ADAMTSL1: variants seen among roughly 807,000 people sequenced by gnomAD.
ADAMTSL1 encodes the protein ADAMTS-like protein 1.
A neutral mutation model predicts 201.8 loss-of-function variants in ADAMTSL1; 126 were observed. That is an observed-to-expected ratio of 0.62 (90% CI 0.54 to 0.72). The LOEUF (loss-of-function observed/expected upper bound fraction) is 0.72. ADAMTSL1 is among the 30% of genes least tolerant of loss of function. The pLI, the probability that ADAMTSL1 is intolerant of heterozygous loss-of-function variation, is 0.00. For synonymous variants in ADAMTSL1, 1,121 were observed against 903.4 expected (o/e 1.24, Z -4.32); for missense variants, 2,679 against 2,277.8 (o/e 1.18, Z -3.59).
chr9:18,389,488 A>C (rs575238888), intron 2 of ADAMTSL1, among the ~76,000 whole-genome samples: 33 of 152,264 alleles, frequency 2.2e-4, no homozygotes, highest in African/African-American at 7.7e-4. Flanking sequence ...TCCTGTATTC[A>C]TATTATTGAA....
chr9:18,769,688 A>C (rs79467078), intron 16 of ADAMTSL1, among the ~76,000 whole-genome samples: 2,207 of 152,276 alleles, frequency 0.014, 40 homozygotes, highest in African/African-American at 0.05. Context: ...AAGAGATGCC[A>C]CACCATCTTT....
At chr9:17,979,660 G>A (rs561637327) in intron 1 of ADAMTSL1, among the ~76,000 whole-genome samples, 59 of 151,804 alleles carry the variant, frequency 3.9e-4, no homozygotes, top group African/African-American at 1.4e-3. Flanking sequence ...TTTGTTCTTT[G>A]GTGGTATTTT....
At chr9:18,710,334 T>G (rs1832488048) in intron 14 of ADAMTSL1, among the ~76,000 whole-genome samples, 1 of 152,216 alleles carries the variant, frequency 6.6e-6, no homozygotes. Flanking sequence ...TGACAGAACT[T>G]CTGTCCTTAG....
In ADAMTSL1 at chr9:18,776,911, G is replaced by A. The variant is rs190545545; in HGVS notation, c.2682G>A (p.Ala894=). ...GGFAYLLPKT[A]VVLRCPARRV... ...TCGCCTACCTGCTCCCCAAGACGGC[G>A]GTGGTGCTGCGCTGCCCGGCGCGCA... The change falls in exon 19 of 29, where the codon GCG becomes GCA. Residue 894 remains alanine, a synonymous_variant. Coordinates refer to ENST00000380548, the MANE Select transcript of ADAMTSL1 (RefSeq NM_001040272.6). The A allele has an allele frequency of 5.0e-6, 8 of 1,609,388 alleles. No homozygotes were observed. The African/African-American group carries it at 8.0e-5, about 16-fold the overall frequency.
chr9:18,519,852 G>A (rs1276078562), intron 2 of ADAMTSL1, among the ~76,000 whole-genome samples: 2 of 152,162 alleles, frequency 1.3e-5, no homozygotes, highest in Non-Finnish European at 2.9e-5. Context: ...GTTAGAAGCT[G>A]GGCATGACCT....
At chr9:18,085,264 C>T (rs1823695686) in intron 1 of ADAMTSL1, among the ~76,000 whole-genome samples, 1 of 152,014 alleles carries the variant, frequency 6.6e-6, no homozygotes, top group Non-Finnish European at 1.5e-5. Flanking sequence ...GGTTTGGATC[C>T]CAGCTTTGCC....
chr9:17,975,263 T>C (rs1173730263), intron 1 of ADAMTSL1, among the ~76,000 whole-genome samples: 1 of 152,066 alleles, frequency 6.6e-6, no homozygotes, highest in African/African-American at 2.4e-5. Context: ...GTTTTGGTTA[T>C]TGTCTTGGCT....
intron 2 of ADAMTSL1, among the ~76,000 whole-genome samples, chr9:18,468,042 T>C (rs921389205): frequency 6.6e-6 from 1 of 152,198 alleles, no homozygotes; most frequent in African/African-American, 2.4e-5. Flanking sequence ...ATTACAACCA[T>C]AATTCAAACC....
chr9:18,119,454 C>T (rs553757612), intron 1 of ADAMTSL1, among the ~76,000 whole-genome samples: 3 of 152,050 alleles, frequency 2.0e-5, no homozygotes, highest in Non-Finnish European at 4.4e-5. Context: ...GTGTGTGCCA[C>T]CACGCCCAGC....
intron 2 of ADAMTSL1, among the ~76,000 whole-genome samples, chr9:18,434,693 G>A (rs1819645845): frequency 6.6e-6 from 1 of 152,132 alleles, no homozygotes; most frequent in Non-Finnish European, 1.5e-5. Context: ...GTTGGTTAAT[G>A]TCACTCCCAC....
At chr9:17,997,777 G>C (rs62553114) in intron 1 of ADAMTSL1, among the ~76,000 whole-genome samples, 1 of 152,004 alleles carries the variant, frequency 6.6e-6, no homozygotes, top group Non-Finnish European at 1.5e-5. Context: ...AAAAATGACA[G>C]TTGGTATTAT....
At chr9:18,408,331 C>T (rs1818289311) in intron 2 of ADAMTSL1, among the ~76,000 whole-genome samples, 1 of 152,032 alleles carries the variant, frequency 6.6e-6, no homozygotes, top group African/African-American at 2.4e-5. Context: ...ATTAGGTAGG[C>T]ATGGTGGTAG....
At chr9:18,211,550 G>C (rs569671407) in intron 2 of ADAMTSL1, among the ~76,000 whole-genome samples, 1 of 152,266 alleles carries the variant, frequency 6.6e-6, no homozygotes, top group South Asian at 2.1e-4. Flanking sequence ...CTACTTCAGG[G>C]ACTGAAAATC....
At chr9:18,742,247 A>C (rs1391670362) in intron 15 of ADAMTSL1, among the ~76,000 whole-genome samples, 1 of 152,200 alleles carries the variant, frequency 6.6e-6, no homozygotes, top group Non-Finnish European at 1.5e-5. Flanking sequence ...CCAACCCATA[A>C]TAAGGAGAAA....
intron 2 of ADAMTSL1, among the ~76,000 whole-genome samples, chr9:18,420,636 T>C (rs1479567224): frequency 6.6e-6 from 1 of 151,992 alleles, no homozygotes; most frequent in Non-Finnish European, 1.5e-5. Context: ...GTGCTATTGC[T>C]GGTATCATTG....
intron 15 of ADAMTSL1, among the ~76,000 whole-genome samples, chr9:18,748,710 C>T (rs774891737): frequency 2.0e-4 from 31 of 152,238 alleles, no homozygotes; most frequent in Non-Finnish European, 4.3e-4. Flanking sequence ...CAGTTTTTCA[C>T]TGCATACTAC....
chr9:18,315,603 G>T (rs1373046670), intron 2 of ADAMTSL1, among the ~76,000 whole-genome samples: 4 of 152,146 alleles, frequency 2.6e-5, no homozygotes, highest in African/African-American at 7.2e-5. Flanking sequence ...GTCCCTCACT[G>T]CCCGGGCCGG....
At chr9:18,487,338 C>G (rs1193365104) in intron 1 of ADAMTSL1, among the ~76,000 whole-genome samples, 4 of 152,196 alleles carry the variant, frequency 2.6e-5, no homozygotes, top group African/African-American at 9.6e-5. Context: ...GCTCTTTACA[C>G]AGCATTAGTA....
intron 3 of ADAMTSL1, among the ~76,000 whole-genome samples, chr9:18,572,269 A>G (rs531259298): frequency 1.3e-5 from 2 of 152,324 alleles, no homozygotes; most frequent in East Asian, 1.9e-4. Flanking sequence ...GTAATTCATA[A>G]TATAGTTTTG....
Sources: gnomAD v4.1 joint callset for allele counts (sites outside exome capture counted in the v4.1 genomes callset) on GRCh38, gnomAD v4.1.1 for gene constraint, MANE v1.5 for transcripts, NCBI Gene and HGNC (gene_info 2026-07-23, HGNC 2026-07-21) for gene names.